The following SNX13 variants were observed in gnomAD, a reference collection of about 807,000 sequenced individuals.
SNX13 encodes the protein sorting nexin 13, also known as sorting nexin-13.
A neutral mutation model predicts 133.6 loss-of-function variants in SNX13; 45 were observed. The ratio of observed to expected loss-of-function variants is 0.34; its 90% CI spans 0.27 to 0.43. SNX13 has a LOEUF of 0.43. Among genes scored for constraint, SNX13 ranks in the 20% least tolerant of loss-of-function variants. The probability of loss-of-function intolerance (pLI) is 1.00; values close to 1 mark genes in which losing one functional copy is unlikely to be tolerated. For missense variants in SNX13, 1,032 were observed against 1,145.1 expected (o/e 0.90, Z 1.43); for synonymous variants, 414 against 373.9 (o/e 1.11, Z -1.24).
intron 17 of SNX13, among the ~76,000 whole-genome samples, chr7:17,823,406 T>C (rs941698850): frequency 2.0e-5 from 3 of 152,170 alleles, no homozygotes; most frequent in Non-Finnish European, 2.9e-5. Context: ...CTATTTCGTA[T>C]ATAACTGGGC....
intron 11 of SNX13, among the ~76,000 whole-genome samples, chr7:17,848,166 C>T (rs1206351294): frequency 1.3e-5 from 2 of 152,106 alleles, no homozygotes; most frequent in African/African-American, 2.4e-5. Context: ...AGAGAAGCGG[C>T]TCAACTTCAG....
chr7:17,886,842 G>C (rs547477401), intron 5 of SNX13, among the ~76,000 whole-genome samples: 1 of 151,870 alleles, frequency 6.6e-6, no homozygotes, highest in Non-Finnish European at 1.5e-5. Flanking sequence ...CTCCGTTCAG[G>C]TCTTCATCAG....
chr7:17,798,739 C>G lies in SNX13; in HGVS notation c.2464G>C (p.Asp822His). ...ACTTGTTCAGGTGAAGTCATCCAGT[C>G]AACATGGTCAACTATTTTTCTGAAA... Reference protein sequence around the residue: ...TINRKIVDHVDWMTSPEQVAD... With the variant: ...TINRKIVDHVHWMTSPEQVAD... The change falls in exon 24 of 26, where the codon GAC (aspartate) becomes CAC (histidine). Residue 822 changes from aspartate to histidine, a missense_variant. By Grantham distance (81) the Asp-to-His change is moderately conservative. Transcript: ENST00000428135. The G allele has an allele frequency of 6.4e-7, 1 of 1,558,264 alleles. No individual in the cohort carries two copies. Among genetic ancestry groups the G allele is most frequent in the Non-Finnish European group, 8.6e-7 (1 of 1,158,074 alleles).
At chr7:17,845,121 G>A (rs996400978) in intron 12 of SNX13, among the ~76,000 whole-genome samples, 5 of 150,346 alleles carry the variant, frequency 3.3e-5, no homozygotes, top group African/African-American at 4.9e-5. Context: ...GGGGAGAAGA[G>A]GTAAGGGGAG....
intron 12 of SNX13, among the ~76,000 whole-genome samples, chr7:17,843,361 T>G (rs1027351796): frequency 5.3e-5 from 8 of 151,966 alleles, no homozygotes; most frequent in African/African-American, 1.7e-4. Context: ...TAATAAAAGA[T>G]TCAGCATAAC....
At chr7:17,807,770 A>G (rs183564157) in intron 20 of SNX13, among the ~76,000 whole-genome samples, 1 of 152,304 alleles carries the variant, frequency 6.6e-6, no homozygotes, top group South Asian at 2.1e-4. Context: ...AGAGGAAGGA[A>G]CAGGCAGCAA....
chr7:17,890,608 G>A (rs2127991977), intron 4 of SNX13, 124 bp from the exon 5 acceptor site: 2 of 549,986 alleles, frequency 3.6e-6, no homozygotes, highest in Admixed American at 3.9e-5. Context: ...AATTTATGGT[G>A]GTAAATACCT....
intron 16 of SNX13, among the ~76,000 whole-genome samples, chr7:17,826,655 A>T (rs1453517126): frequency 6.6e-6 from 1 of 152,110 alleles, no homozygotes; most frequent in Admixed American, 6.6e-5. Flanking sequence ...TTATTTATTA[A>T]ATGAGGTGAA....
At chr7:17,912,126 G>C (rs1799047906) in intron 1 of SNX13, among the ~76,000 whole-genome samples, 1 of 152,192 alleles carries the variant, frequency 6.6e-6, no homozygotes, top group African/African-American at 2.4e-5. Context: ...GGATTCACCA[G>C]AATGCAAAGA....
chr7:17,807,224 C>T (rs1400458946), intron 20 of SNX13, among the ~76,000 whole-genome samples: 3 of 152,160 alleles, frequency 2.0e-5, no homozygotes, highest in Non-Finnish European at 4.4e-5. Context: ...ATTCTTGCTG[C>T]CAGCACAGCA....
intron 7 of SNX13, among the ~76,000 whole-genome samples, chr7:17,874,139 G>A (rs189821074): frequency 3.6e-4 from 55 of 152,278 alleles, no homozygotes; most frequent in African/African-American, 1.3e-3. Flanking sequence ...CTAAGTTACT[G>A]TAATATAAAT....
At chr7:17,830,421 T>C in intron 15 of SNX13, 1 of 984,396 alleles carries the variant, frequency 1.0e-6, no homozygotes, top group African/African-American at 1.7e-5. Context: ...CAGCACTATT[T>C]TGTAACTTCT....
intron 5 of SNX13, chr7:17,882,919 C>A (rs1222333760): frequency 2.1e-6 from 2 of 973,890 alleles, no homozygotes; most frequent in African/African-American, 1.7e-5. Flanking sequence ...CCATTGTACT[C>A]CAGCCTGGGC....
intron 20 of SNX13, among the ~76,000 whole-genome samples, chr7:17,806,819 G>A (rs1053828566): frequency 6.6e-6 from 1 of 152,224 alleles, no homozygotes; most frequent in African/African-American, 2.4e-5. Context: ...AGCTGAAGCA[G>A]GGTGGGGCGT....
intron 9 of SNX13, among the ~76,000 whole-genome samples, chr7:17,858,827 G>A (rs1428934005): frequency 6.6e-6 from 1 of 152,042 alleles, no homozygotes; most frequent in Non-Finnish European, 1.5e-5. Context: ...AGAGCAAACT[G>A]ATATTTTAGT....
intron 16 of SNX13, among the ~76,000 whole-genome samples, chr7:17,826,645 T>C (rs190392700): frequency 6.6e-6 from 1 of 152,244 alleles, no homozygotes; most frequent in East Asian, 1.9e-4. Flanking sequence ...ATTATTCTGA[T>C]TATTTATTAA....
At chr7:17,934,273 C>A (rs1430764324) in intron 1 of SNX13, among the ~76,000 whole-genome samples, 1 of 152,156 alleles carries the variant, frequency 6.6e-6, no homozygotes, top group Non-Finnish European at 1.5e-5. Flanking sequence ...ATTGAGGAGG[C>A]ACTTCATGGT....
intron 5 of SNX13, among the ~76,000 whole-genome samples, chr7:17,886,786 CTA>C (rs1306609118): frequency 6.6e-6 from 1 of 152,074 alleles, no homozygotes. Context: ...TCCTTCCTCT[CTA>C]TCTATCCAAA....
At chr7:17,882,441 G>A (rs1025010646) in intron 5 of SNX13, 1 of 152,136 alleles carries the variant, frequency 6.6e-6, no homozygotes, top group Non-Finnish European at 1.5e-5. Flanking sequence ...TCATCGAGAA[G>A]AGATTAGTAA....
Sources: gnomAD v4.1 joint callset for allele counts (sites outside exome capture counted in the v4.1 genomes callset) on GRCh38, gnomAD v4.1.1 for gene constraint, MANE v1.5 for transcripts, NCBI Gene and HGNC (gene_info 2026-07-23, HGNC 2026-07-21) for gene names.